XIRP2: variants seen among roughly 807,000 people sequenced by gnomAD.
XIRP2 encodes the protein xin actin binding repeat containing 2, also known as xin actin-binding repeat-containing protein 2.
A neutral mutation model predicts 277.0 loss-of-function variants in XIRP2; 236 were observed. The observed-to-expected ratio is 0.85, with a 90% CI of 0.77 to 0.95. The LOEUF (loss-of-function observed/expected upper bound fraction) is 0.95, where lower values mean the gene tolerates loss of function less well. XIRP2 is among the 40% of genes least tolerant of loss of function. The pLI is 0.00. For synonymous variants in XIRP2, 1,490 were observed against 1,416.5 expected (o/e 1.05, Z -1.17); for missense variants, 4,640 against 4,157.5 (o/e 1.12, Z -3.19).
intron 2 of XIRP2, among the ~76,000 whole-genome samples, chr2:167,088,142 G>A (rs2105271740): frequency 6.6e-6 from 1 of 152,198 alleles, no homozygotes; most frequent in Non-Finnish European, 1.5e-5. Flanking sequence ...ATGTTTAAAA[G>A]TATCAAAAAT....
intron 3 of XIRP2, among the ~76,000 whole-genome samples, chr2:167,155,249 G>T (rs1414360522): frequency 6.6e-6 from 1 of 151,714 alleles, no homozygotes; most frequent in Non-Finnish European, 1.5e-5. Flanking sequence ...CATTTTATGA[G>T]GCCAGCATCA....
intron 3 of XIRP2, among the ~76,000 whole-genome samples, chr2:167,164,303 G>A (rs111768474): frequency 0.098 from 14,813 of 151,492 alleles, 780 homozygotes; most frequent in South Asian, 0.15. Flanking sequence ...AAAATTAGCC[G>A]GGCGTGTTAG....
intron 2 of XIRP2, among the ~76,000 whole-genome samples, chr2:167,072,620 T>C (rs1689464372): frequency 6.6e-6 from 1 of 152,182 alleles, no homozygotes; most frequent in African/African-American, 2.4e-5. Context: ...ACTCAATAAA[T>C]ACTTCATTTG....
In XIRP2 at chr2:167,251,930, A is replaced by C; in HGVS notation, c.10538A>C (p.Glu3513Ala). 5 of 1,558,052 alleles carry C rather than the reference A, an allele frequency of 3.2e-6. No individual in the cohort carries two copies. Among genetic ancestry groups the C allele is most frequent in the Non-Finnish European group, 4.3e-6 (5 of 1,158,908 alleles). Residue 3513 changes from glutamate (E) to alanine (A), a missense_variant, in exon 9 of 11, where the codon GAA (glutamate) becomes GCA (alanine). Glu to Ala is a moderately radical substitution (Grantham distance 107). Coordinates refer to ENST00000409195, the MANE Select transcript of XIRP2 (RefSeq NM_152381.6). The stretch of plus-strand genomic sequence containing the variant: ...GAGATGAGAACCACCTTCCAAGAGG[A>C]ATCTGCATTTATAAGTGGTAAATGA... ...ATEMRTTFQE[E>A]SAFISEAAAP...
At chr2:167,254,209 C>G (rs1466496797) in intron 10 of XIRP2, 44 bp downstream of exon 10, 1 of 1,586,282 alleles carries the variant, frequency 6.3e-7, no homozygotes, top group South Asian at 1.2e-5. Context: ...CCAGGAGCTG[C>G]ACTCTATGTA....
intron 5 of XIRP2, among the ~76,000 whole-genome samples, chr2:167,226,300 C>T (rs968297379): frequency 1.3e-5 from 2 of 152,170 alleles, no homozygotes; most frequent in Non-Finnish European, 2.9e-5. Flanking sequence ...GCGCTGCTTC[C>T]TTGCCATTTT....
intron 2 of XIRP2, among the ~76,000 whole-genome samples, chr2:166,995,989 C>G (rs1478160420): frequency 6.6e-6 from 1 of 152,184 alleles, no homozygotes; most frequent in African/African-American, 2.4e-5. Flanking sequence ...CTCCTCTCCT[C>G]TTTTTCTTCT....
chr2:166,930,779 T>C (rs1171070789), intron 2 of XIRP2, among the ~76,000 whole-genome samples: 2 of 152,234 alleles, frequency 1.3e-5, no homozygotes, highest in South Asian at 4.1e-4. Flanking sequence ...TTTTCTCTTT[T>C]CTTCCACTCT....
intron 2 of XIRP2, among the ~76,000 whole-genome samples, chr2:167,075,808 A>ATT (rs5836132): frequency 2.1e-5 from 3 of 141,254 alleles, no homozygotes; most frequent in East Asian, 4.2e-4. Context: ...TGCCCAGCTA[A>ATT]TTTTTTTTTT....
chr2:167,003,848 T>C (rs978870942), intron 2 of XIRP2, among the ~76,000 whole-genome samples: 1 of 151,938 alleles, frequency 6.6e-6, no homozygotes, highest in Non-Finnish European at 1.5e-5. Flanking sequence ...GTATTTTGGC[T>C]TTTCTTAATA....
At chr2:166,975,930 C>CAAAAAAAAAAAAAAA (rs550529718) in intron 2 of XIRP2, among the ~76,000 whole-genome samples, 11 of 45,710 alleles carry the variant, frequency 2.4e-4, no homozygotes, top group Non-Finnish European at 3.8e-4. Flanking sequence ...GACTCCGTCT[C>CAAAAAAAAAAAAAAA]AAAAAAAAAA....
At chr2:167,159,101 G>A (rs986944297) in intron 3 of XIRP2, among the ~76,000 whole-genome samples, 1 of 152,110 alleles carries the variant, frequency 6.6e-6, no homozygotes, top group African/African-American at 2.4e-5. Context: ...TTCATAGAGG[G>A]GCTGCACTGG....
At chr2:167,232,566 G>A (rs371853663) in intron 5 of XIRP2, among the ~76,000 whole-genome samples, 5 of 152,014 alleles carry the variant, frequency 3.3e-5, no homozygotes, top group African/African-American at 9.6e-5. Flanking sequence ...GTCTTTTGGA[G>A]GGCCTTGCTT....
At chr2:167,068,279 A>G (rs111269287) in intron 2 of XIRP2, among the ~76,000 whole-genome samples, 1 of 152,188 alleles carries the variant, frequency 6.6e-6, no homozygotes, top group African/African-American at 2.4e-5. Flanking sequence ...ACACAACTCT[A>G]TTTTTCCTTC....
chr2:166,902,629 A>G (rs935840986), intron 1 of XIRP2, among the ~76,000 whole-genome samples: 1 of 151,884 alleles, frequency 6.6e-6, no homozygotes, highest in African/African-American at 2.4e-5. Flanking sequence ...TGTTTCTGGT[A>G]AGAGTACACT....
At chr2:166,955,318 C>T (rs1461290321) in intron 2 of XIRP2, among the ~76,000 whole-genome samples, 1 of 151,770 alleles carries the variant, frequency 6.6e-6, no homozygotes, top group Non-Finnish European at 1.5e-5. Flanking sequence ...ACACAAGAGA[C>T]CACATATTGT....
Position 167,243,613 on chromosome 2 carries a change from TTA to T in XIRP2, c.2225_2226del (p.Tyr742CysfsTer3). On this transcript the variant is annotated frameshift_variant, in exon 9 of 11. Coordinates refer to ENST00000409195, the MANE Select transcript of XIRP2 (RefSeq NM_152381.6). LOFTEE classifies it high-confidence loss of function. ...RSIKCFETQP[L>X]YVIRDGSGQM... ...TATAAAATGTTTCGAAACTCAACCA[TTA>T]TATGTTATTAGAGATGGTTCGGGCC... 1 of 1,613,976 alleles carries T rather than the reference TTA, an allele frequency of 6.2e-7. No individual in the cohort carries two copies. The highest frequency in any genetic ancestry group is 8.5e-7 in the Non-Finnish European group (1 of 1,179,972).
rs1307756816 is a variant in XIRP2 at position 167,242,678 on chromosome 2, G to A, written c.1286G>A (p.Ser429Asn). 6.2e-7 allele frequency: 1 copy of A among 1,614,082 alleles called. No individual in the cohort carries two copies. The highest frequency in any genetic ancestry group is 1.1e-5 in the South Asian group (1 of 91,084). Residue 429 changes from serine to asparagine, a missense_variant, in exon 9 of 11, where the codon AGT becomes AAT. Coordinates refer to ENST00000409195, the MANE Select transcript of XIRP2 (RefSeq NM_152381.6). ...AAGGAAACATCAACTACAAGATATA[G>A]TGATCACAGTGTCACTTCCTCAACT... ...QRKETSTTRY[S>N]DHSVTSSTLA...
chr2:167,034,359 A>C (rs1257863176), intron 2 of XIRP2, among the ~76,000 whole-genome samples: 6 of 152,152 alleles, frequency 3.9e-5, no homozygotes, highest in Non-Finnish European at 8.8e-5. Flanking sequence ...CTTTTCAAAA[A>C]GGAAGACAGG....
Sources: allele counts gnomAD v4.1 joint callset (sites outside exome capture counted in the v4.1 genomes callset), GRCh38; gene constraint gnomAD v4.1.1; transcripts MANE v1.5; gene names NCBI Gene and HGNC (gene_info 2026-07-23, HGNC 2026-07-21).